The following DIP2C variants were observed in gnomAD, a reference collection of about 807,000 sequenced individuals.
The protein encoded by DIP2C is disco-interacting protein 2 homolog C.
In DIP2C, 33 loss-of-function variants were observed where a neutral mutation model predicts 192.4. That is an observed-to-expected ratio of 0.17 (90% CI 0.13 to 0.23). The LOEUF (loss-of-function observed/expected upper bound fraction) is 0.23. Among genes scored for constraint, DIP2C ranks in the 10% least tolerant of loss-of-function variants. DIP2C has a pLI of 1.00. For synonymous variants in DIP2C, 979 were observed against 864.1 expected, an observed-to-expected ratio of 1.13 and a Z score of -2.33; for missense variants, 1,537 against 2,110.1, an observed-to-expected ratio of 0.73 and a Z score of 5.32.
chr10:512,352 A>G (rs1846070950), intron 1 of DIP2C, among the ~76,000 whole-genome samples: 1 of 152,178 alleles, frequency 6.6e-6, no homozygotes, highest in Non-Finnish European at 1.5e-5. Flanking sequence ...TGAGCCCAGG[A>G]GCTCAAGACC....
At chr10:587,503 C>T (rs527373599) in intron 1 of DIP2C, among the ~76,000 whole-genome samples, 3 of 152,184 alleles carry the variant, frequency 2.0e-5, no homozygotes, top group Non-Finnish European at 1.5e-5. Context: ...TACCCCAAAC[C>T]TACAGTCCTA....
chr10:627,062 C>T (rs915148612), intron 1 of DIP2C, among the ~76,000 whole-genome samples: 4 of 152,238 alleles, frequency 2.6e-5, no homozygotes, highest in South Asian at 4.1e-4. Context: ...CCTCGCTCGC[C>T]GTACCAGGAT....
At chr10:348,251 T>C (rs1958617049) in intron 26 of DIP2C, among the ~76,000 whole-genome samples, 1 of 152,230 alleles carries the variant, frequency 6.6e-6, no homozygotes, top group Admixed American at 6.5e-5. Flanking sequence ...AAAACAGATC[T>C]ATACTTTCAA....
intron 32 of DIP2C, among the ~76,000 whole-genome samples, chr10:304,565 ACACACAC>A (rs1211865971): frequency 2.0e-5 from 3 of 151,408 alleles, no homozygotes; most frequent in Admixed American, 1.3e-4. Flanking sequence ...GCACACACAC[ACACACAC>A]ACTTCCACAT....
At chr10:532,924 G>A (rs1564825187) in intron 1 of DIP2C, among the ~76,000 whole-genome samples, 1 of 152,138 alleles carries the variant, frequency 6.6e-6, no homozygotes, top group Non-Finnish European at 1.5e-5. Flanking sequence ...CCGAGTAGCT[G>A]GGACCGCACG....
chr10:347,834 T>C (rs12763542), intron 26 of DIP2C, among the ~76,000 whole-genome samples: 851 of 72,360 alleles, frequency 0.012, 41 homozygotes, highest in Non-Finnish European at 0.016. Flanking sequence ...ATAGCTCTCC[T>C]GGAAACCCCA....
At position 549,189 on chromosome 10, in the gene DIP2C, G is replaced by A. The variant is rs111587706; in HGVS notation, c.86-62659C>T. On this transcript the variant is annotated intron_variant, in intron 1 of 36. Transcript: ENST00000280886. The stretch of plus-strand genomic sequence containing the variant: ...ACGTTCAAATTCAATCAACTGCTAA[G>A]TGCGATAAAGTTACTTTTTCATTAT... Among the ~76,000 whole-genome samples the A allele has an allele frequency of 4.7e-4, 71 of 152,308 alleles. 1 individual carries two copies. The highest frequency in any genetic ancestry group is 1.6e-3 in the African/African-American group (65 of 41,550).
chr10:481,060 T>TC (rs1410585429), intron 2 of DIP2C, among the ~76,000 whole-genome samples: 1 of 151,908 alleles, frequency 6.6e-6, no homozygotes, highest in Non-Finnish European at 1.5e-5. Context: ...AGGCGGTCCC[T>TC]CCCCAGCACG....
chr10:471,753 T>G (rs556392265), intron 3 of DIP2C, among the ~76,000 whole-genome samples: 182 of 152,264 alleles, frequency 1.2e-3, no homozygotes, highest in African/African-American at 4.1e-3. Context: ...AGCCTGAGTT[T>G]TTGTTGTTGT....
rs528113889 is a variant in DIP2C at position 689,229 on chromosome 10, G to A, written c.85+265C>T. 2.1e-3 allele frequency among the ~76,000 whole-genome samples: 321 copies of A among 151,516 alleles called. 1 individual carries two copies. The highest frequency in any genetic ancestry group is 6.9e-3 in the Middle Eastern group (2 of 290). ...CCCCACAAACACCCCCAGAGCGCGA[G>A]GGGATCCCAGGCCCCACAGACACCC... On this transcript the variant is annotated intron_variant, in intron 1 of 36. Transcript: ENST00000280886. The surrounding 1 kb of genome is among the most constrained non-coding windows in gnomAD (Gnocchi z 6.1).
At chr10:309,835 G>A (rs994320770) in intron 32 of DIP2C, among the ~76,000 whole-genome samples, 196 bp downstream of exon 32, 1 of 152,110 alleles carries the variant, frequency 6.6e-6, no homozygotes, top group Admixed American at 6.5e-5. Context: ...ACAGGCGTGA[G>A]CCACCATGCC....
At chr10:295,713 A>C (rs1334721984) in intron 32 of DIP2C, among the ~76,000 whole-genome samples, 1 of 152,058 alleles carries the variant, frequency 6.6e-6, no homozygotes, top group Non-Finnish European at 1.5e-5. Context: ...AATGTAAACT[A>C]ATACAGCCAC....
intron 3 of DIP2C, among the ~76,000 whole-genome samples, chr10:462,211 A>T (rs1969844153): frequency 6.6e-6 from 1 of 151,750 alleles, no homozygotes; most frequent in Non-Finnish European, 1.5e-5. Context: ...GAGACACGAA[A>T]AACTCTTCAA....
intron 29 of DIP2C, among the ~76,000 whole-genome samples, chr10:337,045 G>GGC: frequency 9.6e-5 from 2 of 20,744 alleles, no homozygotes; most frequent in African/African-American, 1.5e-4. Context: ...TGGAGGCCTA[G>GGC]ACTGGTGTGT....
chr10:374,174 G>C (rs993184207), intron 17 of DIP2C, among the ~76,000 whole-genome samples: 1 of 152,128 alleles, frequency 6.6e-6, no homozygotes, highest in Non-Finnish European at 1.5e-5. Context: ...ACAGTGTTTA[G>C]TAATACAAAT....
intron 29 of DIP2C, among the ~76,000 whole-genome samples, chr10:335,768 ACT>A (rs1421338046): frequency 2.0e-5 from 3 of 151,856 alleles, no homozygotes; most frequent in Non-Finnish European, 4.4e-5. Context: ...CACCATGAAG[ACT>A]CTCTTTCCTT....
chr10:374,102 CT>C (rs1961299858), intron 17 of DIP2C, among the ~76,000 whole-genome samples: 1 of 151,752 alleles, frequency 6.6e-6, no homozygotes, highest in East Asian at 1.9e-4. Flanking sequence ...TTCCATGTGT[CT>C]GTGTGTGGGT....
chr10:638,687 GGT>G (rs1167029053), intron 1 of DIP2C, among the ~76,000 whole-genome samples: 1 of 152,164 alleles, frequency 6.6e-6, no homozygotes, highest in Non-Finnish European at 1.5e-5. Context: ...CTCCCATTTT[GGT>G]GACAAACTTA....
intron 17 of DIP2C, among the ~76,000 whole-genome samples, chr10:378,602 T>C (rs1961941154): frequency 1.4e-5 from 2 of 147,632 alleles, no homozygotes; most frequent in Non-Finnish European, 3.0e-5. Flanking sequence ...TAGACACACA[T>C]GAACAGACAT....
Sources: allele counts gnomAD v4.1 joint callset (sites outside exome capture counted in the v4.1 genomes callset), GRCh38; gene constraint gnomAD v4.1.1; non-coding constraint Gnocchi (gnomAD v3.1); transcripts MANE v1.5; gene names NCBI Gene and HGNC (gene_info 2026-07-23, HGNC 2026-07-21).